THBS4: variants seen among roughly 807,000 people sequenced by gnomAD.
THBS4 encodes the protein thrombospondin-4.
A neutral mutation model predicts 115.7 loss-of-function variants in THBS4; 90 were observed. The ratio of observed to expected loss-of-function variants is 0.78; its 90% CI spans 0.66 to 0.93. The LOEUF (loss-of-function observed/expected upper bound fraction) is 0.93, where lower values mean the gene tolerates loss of function less well. Among genes scored for constraint, THBS4 ranks in the 40% least tolerant of loss-of-function variants. THBS4 has a pLI of 0.00. For missense variants in THBS4, 1,087 were observed against 1,232.7 expected, an observed-to-expected ratio of 0.88 and a Z score of 1.77; for synonymous variants, 460 against 479.3, an observed-to-expected ratio of 0.96 and a Z score of 0.53.
intron 2 of THBS4, among the ~76,000 whole-genome samples, chr5:80,050,959 C>T (rs1180451905): frequency 6.6e-6 from 1 of 152,110 alleles, no homozygotes; most frequent in Non-Finnish European, 1.5e-5. Context: ...GTGGTCGAGT[C>T]GGGAGGTGGG....
chr5:80,071,004 GTCCTT>G lies in THBS4; in HGVS notation c.1561-14_1561-10del. ...TTAGTAAAAGTCTGAGTGATGTTCT[GTCCTT>G]TCATCTTTTAGGATAACTGTGTCCT... On this transcript the variant is annotated splice_polypyrimidine_tract_variant and intron_variant, in intron 12 of 21. Coordinates refer to ENST00000350881, the MANE Select transcript of THBS4 (RefSeq NM_003248.6). 6.2e-7 allele frequency: 1 copy of G among 1,612,024 alleles called. No individual in the cohort carries two copies. The highest frequency in any genetic ancestry group is 8.5e-7 in the Non-Finnish European group (1 of 1,179,626).
intron 2 of THBS4, among the ~76,000 whole-genome samples, chr5:80,043,455 T>C (rs1309656654): frequency 6.6e-6 from 1 of 152,194 alleles, no homozygotes; most frequent in Non-Finnish European, 1.5e-5. Context: ...ACAGCATTCA[T>C]CTGGCCAAGG....
intron 2 of THBS4, among the ~76,000 whole-genome samples, chr5:80,041,414 C>G (rs145808588): frequency 6.6e-6 from 1 of 152,128 alleles, no homozygotes; most frequent in Admixed American, 6.5e-5. Flanking sequence ...GGGACAGATA[C>G]AAACATTCAG....
intron 2 of THBS4, chr5:80,052,462 T>G (rs963594601): frequency 3.3e-5 from 5 of 152,236 alleles, no homozygotes; most frequent in Admixed American, 6.5e-5. Flanking sequence ...CATACCACAT[T>G]TATATACGTC....
intron 2 of THBS4, among the ~76,000 whole-genome samples, chr5:80,015,288 G>A (rs1363597011): frequency 1.3e-5 from 2 of 152,200 alleles, no homozygotes; most frequent in African/African-American, 2.4e-5. Flanking sequence ...AGTAGGGGCT[G>A]AGCATCTCAG....
At chr5:80,010,467 C>T (rs533375777) in intron 2 of THBS4, among the ~76,000 whole-genome samples, 1 of 152,312 alleles carries the variant, frequency 6.6e-6, no homozygotes, top group East Asian at 1.9e-4. Flanking sequence ...TGTTGCTTCC[C>T]ACCCTTTAAG....
Position 80,040,225 on chromosome 5 carries a change from T to G in THBS4, c.237T>G (p.Ser79=). 5.0e-6 allele frequency: 8 copies of G among 1,614,110 alleles called. No individual in the cohort carries two copies. Among genetic ancestry groups the G allele is most frequent in the Non-Finnish European group, 6.8e-6 (8 of 1,180,028 alleles). ...KSSATIFGLY[S]STDNSKYFEF... Reference sequence around the variant, plus strand: ...CAGCCACCATCTTCGGTCTTTACTCTTCAACTGACAACAGTAAATATTTTG... The same window carrying G: ...CAGCCACCATCTTCGGTCTTTACTCGTCAACTGACAACAGTAAATATTTTG... Residue 79 remains serine (S), a synonymous_variant, in exon 2 of 22, where the codon TCT becomes TCG. Coordinates refer to ENST00000350881, the MANE Select transcript of THBS4 (RefSeq NM_003248.6).
At chr5:80,044,334 A>G (rs1832993277) in intron 2 of THBS4, among the ~76,000 whole-genome samples, 2 of 152,362 alleles carry the variant, frequency 1.3e-5, no homozygotes, top group South Asian at 2.1e-4. Context: ...GAGGCTGAGA[A>G]GAGTAGACTT....
intron 7 of THBS4, among the ~76,000 whole-genome samples, 188 bp downstream of exon 7, chr5:80,060,093 C>T (rs920228513): frequency 2.0e-5 from 3 of 152,182 alleles, no homozygotes; most frequent in Non-Finnish European, 4.4e-5. Flanking sequence ...GTTATGGCTG[C>T]GTTTGTCATT....
chr5:79,998,703 A>G (rs756557765), intron 2 of THBS4, among the ~76,000 whole-genome samples: 20 of 152,220 alleles, frequency 1.3e-4, no homozygotes, highest in Admixed American at 6.5e-4. Flanking sequence ...CTGTGAGTCT[A>G]TACTTAATTG....
chr5:80,021,326 G>C (rs1832369270), intron 2 of THBS4, among the ~76,000 whole-genome samples: 2 of 152,070 alleles, frequency 1.3e-5, no homozygotes, highest in Non-Finnish European at 2.9e-5. Flanking sequence ...TCCATTGTCA[G>C]ACATAAAAGA....
At chr5:80,003,690 C>G (rs1417056146) in intron 2 of THBS4, among the ~76,000 whole-genome samples, 1 of 152,256 alleles carries the variant, frequency 6.6e-6, no homozygotes, top group Admixed American at 6.5e-5. Flanking sequence ...CAGCTCTAAA[C>G]TACTCCCCTT....
chr5:80,040,019 C>G (rs1250627769), intron 1 of THBS4, 58 bp from the exon 2 acceptor site: 51 of 1,517,650 alleles, frequency 3.4e-5, no homozygotes, highest in Non-Finnish European at 4.7e-5. Context: ...ACAAAGAAAC[C>G]CTGTTTTCCC....
chr5:80,075,641 T>C (rs181250245), intron 15 of THBS4, among the ~76,000 whole-genome samples: 1 of 152,316 alleles, frequency 6.6e-6, no homozygotes, highest in Admixed American at 6.5e-5. Flanking sequence ...CCTCTAGATA[T>C]TTGCCCAAAA....
chr5:79,997,034 T>G (rs1296738108), intron 1 of THBS4, among the ~76,000 whole-genome samples: 14 of 151,564 alleles, frequency 9.2e-5, no homozygotes, highest in Non-Finnish European at 1.9e-4. Flanking sequence ...AAAATAGTTT[T>G]TTTTTTTTTT....
At chr5:80,056,579 G>A (rs1048548149) in intron 3 of THBS4, among the ~76,000 whole-genome samples, 1 of 152,172 alleles carries the variant, frequency 6.6e-6, no homozygotes, top group African/African-American at 2.4e-5. Context: ...ACTCCAGGTT[G>A]ATGGTATTTT....
intron 2 of THBS4, among the ~76,000 whole-genome samples, chr5:80,044,756 A>G (rs166270): frequency 0.55 from 83,858 of 151,664 alleles, 23,630 homozygotes; most frequent in African/African-American, 0.66. Context: ...ATGAATAAAT[A>G]TTGAAGGGCT....
intron 2 of THBS4, among the ~76,000 whole-genome samples, chr5:80,043,639 A>G (rs1832973454): frequency 6.6e-6 from 1 of 152,178 alleles, no homozygotes; most frequent in Non-Finnish European, 1.5e-5. Context: ...CAAAGAGCAG[A>G]ATTTGGTCAT....
Position 80,071,026 on chromosome 5 carries a change from C to G in THBS4, c.1566C>G (p.Asn522Lys), listed in dbSNP as rs1481347575. 1.2e-6 allele frequency: 2 copies of G among 1,612,870 alleles called. No homozygotes were observed. The highest frequency in any genetic ancestry group is 4.5e-5 in the East Asian group (2 of 44,872). The stretch of plus-strand genomic sequence containing the variant: ...TCTGTCCTTTCATCTTTTAGGATAA[C>G]TGTGTCCTGATTCATAATGTGGACC... ...DGDGILNEQDNCVLIHNVDQR... is the reference protein window; with the variant it reads ...DGDGILNEQDKCVLIHNVDQR... Residue 522 changes from asparagine (N) to lysine (K), a missense_variant, in exon 13 of 22, where the codon AAC (asparagine) becomes AAG (lysine). Around this residue, in one of 3 missense-constraint regions of THBS4, gnomAD observed 979 missense variants for 1,103.7 expected, o/e 0.89. Coordinates refer to ENST00000350881, the MANE Select transcript of THBS4 (RefSeq NM_003248.6).
Sources: allele counts gnomAD v4.1 joint callset (sites outside exome capture counted in the v4.1 genomes callset), GRCh38; gene constraint gnomAD v4.1.1; regional missense constraint gnomAD v4.1.1; transcripts MANE v1.5; gene names NCBI Gene and HGNC (gene_info 2026-07-23, HGNC 2026-07-21).